The following CNTN5 variants were observed in gnomAD, a reference collection of about 807,000 sequenced individuals.
CNTN5 encodes the protein contactin 5, also known as contactin-5.
In CNTN5, 77 loss-of-function variants were observed where a neutral mutation model predicts 129.1. The ratio of observed to expected loss-of-function variants is 0.60; its 90% confidence interval spans 0.50 to 0.72. The LOEUF is 0.72. CNTN5 is among the 30% of genes least tolerant of loss of function. The pLI is 0.00. For missense variants in CNTN5, 1,478 were observed against 1,328.8 expected (o/e 1.11, Z -1.75); for synonymous variants, 509 against 465.6 (o/e 1.09, Z -1.20).
chr11:99,285,656 A>G (rs1863904703), intron 1 of CNTN5, among the ~76,000 whole-genome samples: 1 of 152,152 alleles, frequency 6.6e-6, no homozygotes, highest in Non-Finnish European at 1.5e-5. Context: ...TAGAATGTAA[A>G]CAATAGCAGT....
intron 8 of CNTN5, among the ~76,000 whole-genome samples, chr11:99,990,445 T>TACACACAC (rs1318603192): frequency 1.2e-5 from 1 of 81,314 alleles, no homozygotes; most frequent in African/African-American, 3.7e-5. Context: ...ATTTTTAGAA[T>TACACACAC]ATATATATAT....
intron 1 of CNTN5, among the ~76,000 whole-genome samples, chr11:99,027,004 C>A (rs549401271): frequency 6.6e-6 from 1 of 151,682 alleles, no homozygotes; most frequent in South Asian, 2.1e-4. Flanking sequence ...TACCCGCATT[C>A]TCTTAACCAA....
rs547404848 is a variant in CNTN5, at chr11:99,803,425, G to A, written c.56-16119G>A. Among the ~76,000 whole-genome samples, 3 of 152,314 alleles carry A rather than the reference G, an allele frequency of 2.0e-5. No individual in the cohort carries two copies. The South Asian group carries it at 6.2e-4, about 32-fold the overall frequency. ...GACTGGAGGTCCTTACCCTACTTTA[G>A]AGCAGGTGACCCAAGCTCTGGCCCA... On this transcript the variant is annotated intron_variant, in intron 3 of 24. Coordinates refer to ENST00000524871, the MANE Select transcript of CNTN5 (RefSeq NM_014361.4).
intron 3 of CNTN5, among the ~76,000 whole-genome samples, chr11:99,652,283 C>T (rs1327760081): frequency 1.3e-5 from 2 of 152,052 alleles, no homozygotes; most frequent in Non-Finnish European, 2.9e-5. Context: ...CACAACATGA[C>T]TGCTTACTTC....
chr11:99,432,831 G>T (rs58101969), intron 2 of CNTN5, among the ~76,000 whole-genome samples: 7,110 of 151,850 alleles, frequency 0.047, 229 homozygotes, highest in South Asian at 0.078. Flanking sequence ...AGTATGATGG[G>T]TGGCTGAATT....
At chr11:99,360,672 G>C (rs1008750382) in intron 2 of CNTN5, among the ~76,000 whole-genome samples, 1 of 152,082 alleles carries the variant, frequency 6.6e-6, no homozygotes, top group African/African-American at 2.4e-5. Flanking sequence ...TGGCAGCTCC[G>C]ATGCTCTCCA....
At chr11:99,061,581 A>G (rs1193464976) in intron 1 of CNTN5, among the ~76,000 whole-genome samples, 1 of 152,136 alleles carries the variant, frequency 6.6e-6, no homozygotes, top group Non-Finnish European at 1.5e-5. Context: ...ATAAAAAATA[A>G]CACACACTCC....
intron 3 of CNTN5, among the ~76,000 whole-genome samples, chr11:99,684,650 G>T (rs1031747191): frequency 2.0e-5 from 3 of 151,712 alleles, no homozygotes; most frequent in African/African-American, 4.8e-5. Context: ...CCTAAGTTTT[G>T]CATCATGGAT....
chr11:99,783,961 A>G (rs563025693), intron 3 of CNTN5, among the ~76,000 whole-genome samples: 1 of 151,732 alleles, frequency 6.6e-6, no homozygotes, highest in South Asian at 2.1e-4. Context: ...CCTAAAATGT[A>G]AAGTATAATA....
At chr11:99,152,761 G>A (rs1398442678) in intron 1 of CNTN5, among the ~76,000 whole-genome samples, 2 of 152,182 alleles carry the variant, frequency 1.3e-5, no homozygotes, top group African/African-American at 4.8e-5. Context: ...GTACTTAAAT[G>A]TGTTTCTGTG....
intron 21 of CNTN5, among the ~76,000 whole-genome samples, chr11:100,310,536 C>T (rs1024703774): frequency 6.6e-6 from 1 of 151,814 alleles, no homozygotes; most frequent in Non-Finnish European, 1.5e-5. Flanking sequence ...CAGGAACAAA[C>T]CAATGAGCAA....
intron 3 of CNTN5, among the ~76,000 whole-genome samples, chr11:99,814,531 G>T (rs1487281468): frequency 3.9e-5 from 6 of 152,094 alleles, no homozygotes; most frequent in African/African-American, 1.4e-4. Context: ...GCTACAGAGT[G>T]TGTCGACAGT....
chr11:99,541,556 T>C (rs983171815), intron 2 of CNTN5, among the ~76,000 whole-genome samples: 1 of 151,986 alleles, frequency 6.6e-6, no homozygotes, highest in African/African-American at 2.4e-5. Context: ...CTGACACCTG[T>C]GAAAAGGAGG....
At chr11:99,551,098 T>A (rs1229489623) in intron 2 of CNTN5, among the ~76,000 whole-genome samples, 4 of 152,116 alleles carry the variant, frequency 2.6e-5, no homozygotes, top group Non-Finnish European at 5.9e-5. Flanking sequence ...CCACTTTAAA[T>A]AAATTTAAAG....
intron 3 of CNTN5, among the ~76,000 whole-genome samples, chr11:99,691,553 A>G (rs1363097942): frequency 6.6e-6 from 1 of 152,032 alleles, no homozygotes; most frequent in South Asian, 2.1e-4. Flanking sequence ...ATGTAGTTGT[A>G]TAATTTTGAG....
At chr11:99,666,843 C>A (rs919366810) in intron 3 of CNTN5, among the ~76,000 whole-genome samples, 1 of 152,094 alleles carries the variant, frequency 6.6e-6, no homozygotes, top group South Asian at 2.1e-4. Context: ...ATGTGATTAA[C>A]ATTAAGGTTC....
At chr11:100,110,053 G>C (rs1041302640) in intron 13 of CNTN5, among the ~76,000 whole-genome samples, 1 of 151,944 alleles carries the variant, frequency 6.6e-6, no homozygotes, top group Non-Finnish European at 1.5e-5. Context: ...GTGTCGTGTT[G>C]CTGTAGTCCC....
At chr11:99,362,021 A>T (rs1382086616) in intron 2 of CNTN5, among the ~76,000 whole-genome samples, 3 of 152,156 alleles carry the variant, frequency 2.0e-5, no homozygotes, top group South Asian at 2.1e-4. Flanking sequence ...TTTATAGTTA[A>T]TTTTGGGGGG....
At chr11:99,540,834 G>A (rs887384773) in intron 2 of CNTN5, among the ~76,000 whole-genome samples, 6 of 151,992 alleles carry the variant, frequency 3.9e-5, no homozygotes, top group African/African-American at 1.4e-4. Flanking sequence ...GAAAATCTAG[G>A]GTATGTATGG....
Sources: allele counts gnomAD v4.1 joint callset (sites outside exome capture counted in the v4.1 genomes callset), GRCh38; gene constraint gnomAD v4.1.1; transcripts MANE v1.5; gene names NCBI Gene and HGNC (gene_info 2026-07-23, HGNC 2026-07-21).